The following CSMD1 variants were observed in gnomAD, a reference collection of about 807,000 sequenced individuals.
CSMD1 encodes the protein CUB and Sushi multiple domains 1, also known as CUB and sushi domain-containing protein 1.
Under a neutral mutation model 417.5 loss-of-function variants are expected in CSMD1, and 213 were observed. The ratio of observed to expected loss-of-function variants is 0.51; its 90% CI spans 0.46 to 0.57. The LOEUF (loss-of-function observed/expected upper bound fraction) is 0.57, where lower values mean the gene tolerates loss of function less well. Among genes scored for constraint, CSMD1 ranks in the 20% least tolerant of loss-of-function variants. The pLI, the probability that CSMD1 is intolerant of heterozygous loss-of-function variation, is 0.00. For missense variants in CSMD1, 6,923 were observed against 4,529.7 expected (o/e 1.53, Z -15.17); for synonymous variants, 2,862 against 1,736.8 (o/e 1.65, Z -16.11).
At chr8:3,093,707 G>T (rs912610007) in intron 47 of CSMD1, among the ~76,000 whole-genome samples, 1 of 151,976 alleles carries the variant, frequency 6.6e-6, no homozygotes, top group African/African-American at 2.4e-5. Flanking sequence ...TCAATTTATG[G>T]CACTTTGTCA....
intron 1 of CSMD1, among the ~76,000 whole-genome samples, chr8:4,912,263 T>C (rs1375582954): frequency 6.6e-6 from 1 of 152,008 alleles, no homozygotes; most frequent in Non-Finnish European, 1.5e-5. Flanking sequence ...GGCAAGAACA[T>C]GCGAAGGCAG....
intron 23 of CSMD1, among the ~76,000 whole-genome samples, chr8:3,315,439 T>TGA (rs1715975826): frequency 6.9e-6 from 1 of 145,430 alleles, no homozygotes; most frequent in African/African-American, 2.5e-5. Context: ...GTGAAGTGAG[T>TGA]GTGTGTGTGT....
intron 1 of CSMD1, among the ~76,000 whole-genome samples, chr8:4,947,523 T>G (rs1416073669): frequency 6.6e-6 from 1 of 152,126 alleles, no homozygotes; most frequent in Non-Finnish European, 1.5e-5. Context: ...CAATCCCACA[T>G]GTGGTCAGAA....
intron 54 of CSMD1, among the ~76,000 whole-genome samples, chr8:2,980,452 C>T (rs181497282): frequency 6.6e-6 from 1 of 151,996 alleles, no homozygotes; most frequent in East Asian, 1.9e-4. Context: ...CCTCTTCTTC[C>T]ATCCCTCTCT....
chr8:4,410,938 G>C (rs567201923), intron 3 of CSMD1, among the ~76,000 whole-genome samples: 2 of 152,134 alleles, frequency 1.3e-5, no homozygotes, highest in Non-Finnish European at 2.9e-5. Context: ...GACTAGATTT[G>C]TTCTAGTGGG....
chr8:3,076,029 C>A (rs138085874), intron 49 of CSMD1, among the ~76,000 whole-genome samples: 2 of 148,640 alleles, frequency 1.3e-5, no homozygotes, highest in Non-Finnish European at 3.0e-5. Flanking sequence ...CTAGCCTGGG[C>A]GACAGAGCGA....
chr8:4,200,915 G>C (rs1362551858), intron 3 of CSMD1, among the ~76,000 whole-genome samples: 4 of 152,134 alleles, frequency 2.6e-5, no homozygotes, highest in Admixed American at 2.0e-4. Flanking sequence ...CTAGTTTAAA[G>C]TATATGCATT....
chr8:3,894,949 T>C (rs1025219308), intron 5 of CSMD1, among the ~76,000 whole-genome samples: 3 of 152,198 alleles, frequency 2.0e-5, no homozygotes, highest in Admixed American at 6.5e-5. Flanking sequence ...ATTTCCAATA[T>C]GATGAATAGG....
chr8:4,354,447 T>C (rs1343255524), intron 3 of CSMD1, among the ~76,000 whole-genome samples: 1 of 152,042 alleles, frequency 6.6e-6, no homozygotes, highest in Non-Finnish European at 1.5e-5. Context: ...ACACCAAACA[T>C]CTGCGTTAGC....
rs139692376 is a variant in CSMD1, at chr8:3,307,755, G to A, written c.3890C>T (p.Pro1297Leu). Residue 1297 changes from proline to leucine, a missense_variant, in exon 25 of 70, where the codon CCG becomes CTG. Transcript: ENST00000635120. ...GRILSPGYPA[P>L]YDNNLHCTWI... ...GGTGCAGTGGAGGTTGTTGTCATAC[G>A]GAGCTGGATAGCCAGGGGACAATAT... 640 of 1,613,680 alleles carry A rather than the reference G, an allele frequency of 4.0e-4. No homozygotes were observed. The highest frequency in any genetic ancestry group is 5.0e-4 in the Non-Finnish European group (589 of 1,179,700).
chr8:4,135,485 T>C (rs528928536), intron 3 of CSMD1, among the ~76,000 whole-genome samples: 3 of 151,600 alleles, frequency 2.0e-5, no homozygotes, highest in Middle Eastern at 3.4e-3. Flanking sequence ...ACACTAAATA[T>C]CCCCACATAT....
At chr8:4,916,199 G>C (rs1806056873) in intron 1 of CSMD1, among the ~76,000 whole-genome samples, 1 of 152,210 alleles carries the variant, frequency 6.6e-6, no homozygotes, top group South Asian at 2.1e-4. Context: ...GGAGCATTGT[G>C]AGGCAGCTCC....
chr8:3,032,290 G>C (rs765180461), intron 50 of CSMD1, among the ~76,000 whole-genome samples: 1 of 151,926 alleles, frequency 6.6e-6, no homozygotes, highest in African/African-American at 2.4e-5. Flanking sequence ...ACTCTGTGAC[G>C]TAATTTGGGA....
chr8:3,178,871 A>G (rs1563115021), intron 37 of CSMD1, among the ~76,000 whole-genome samples: 1 of 152,228 alleles, frequency 6.6e-6, no homozygotes. Flanking sequence ...TTGGCGATTT[A>G]CATCAACAGT....
At chr8:4,462,896 T>C (rs1410714654) in intron 2 of CSMD1, among the ~76,000 whole-genome samples, 1 of 152,098 alleles carries the variant, frequency 6.6e-6, no homozygotes, top group South Asian at 2.1e-4. Flanking sequence ...CTTTGTAACC[T>C]GATGTTAAGC....
intron 1 of CSMD1, among the ~76,000 whole-genome samples, chr8:4,798,287 T>G (rs2117268631): frequency 6.6e-6 from 1 of 152,326 alleles, no homozygotes; most frequent in African/African-American, 2.4e-5. Flanking sequence ...TTGCGCTAGT[T>G]TGCTGAGAAT....
intron 6 of CSMD1, among the ~76,000 whole-genome samples, chr8:3,750,938 T>C (rs764487306): frequency 2.0e-5 from 3 of 152,186 alleles, no homozygotes; most frequent in Non-Finnish European, 4.4e-5. Flanking sequence ...CTGTGCACCA[T>C]GCGCCCTCTA....
rs1163585257 is a variant in CSMD1, at chr8:4,761,878, T to TCTATCTATCTACCTAC, written c.86-124336_86-124321dup. Among the ~76,000 whole-genome samples, 15 of 108,510 alleles carry TCTATCTATCTACCTAC rather than the reference T, an allele frequency of 1.4e-4. No individual in the cohort carries two copies. The East Asian group carries it at 3.2e-3, about 23-fold the overall frequency. The allele number at this position is 108,510 out of a possible 152,430, so 71.2% of individuals were successfully genotyped here. ...ATCTATCTATCTATCTATCTATCTA[T>TCTATCTATCTACCTAC]CTATCTATCTACCTACCTATCTATC... On this transcript the variant is annotated intron_variant, in intron 1 of 69. Transcript: ENST00000635120.
rs977388985 is a variant in CSMD1, at chr8:4,041,501, C to A, written c.416-9402G>T. Among the ~76,000 whole-genome samples the A allele has an allele frequency of 6.6e-5, 10 of 152,212 alleles. No individual in the cohort carries two copies. In the East Asian group the frequency reaches 1.9e-3, roughly 29 times the overall value. On this transcript the variant is annotated intron_variant, in intron 3 of 69. Coordinates refer to ENST00000635120, the MANE Select transcript of CSMD1 (RefSeq NM_033225.6). ...TCAAACTGTTCCACAAATAGTCAAC[C>A]AAACCCCAGTGAAAGAATGTTCAAG... is the stretch of plus-strand genomic sequence containing the variant.
Sources: gnomAD v4.1 joint callset for allele counts (sites outside exome capture counted in the v4.1 genomes callset) on GRCh38, gnomAD v4.1.1 for gene constraint, MANE v1.5 for transcripts, NCBI Gene and HGNC (gene_info 2026-07-23, HGNC 2026-07-21) for gene names.